KIAA0319: variants seen among roughly 807,000 people sequenced by gnomAD.
KIAA0319 encodes KIAA0319.
Under a neutral mutation model 108.4 loss-of-function variants are expected in KIAA0319, and 83 were observed. The ratio of observed to expected loss-of-function variants is 0.77; its 90% CI spans 0.64 to 0.92. The LOEUF is 0.92. Ranked by LOEUF, KIAA0319 falls within the 40% of genes least tolerant of loss-of-function variation. The probability of loss-of-function intolerance (pLI) is 0.00; values close to 1 mark genes in which losing one functional copy is unlikely to be tolerated. For missense variants in KIAA0319, 1,195 were observed against 1,322.4 expected (o/e 0.90, Z 1.49); for synonymous variants, 484 against 510.4 (o/e 0.95, Z 0.70).
intron 1 of KIAA0319, among the ~76,000 whole-genome samples, chr6:24,634,957 C>G (rs574212553): frequency 9.9e-5 from 15 of 152,270 alleles, no homozygotes; most frequent in Non-Finnish European, 1.6e-4. Context: ...TGTAAGGGAA[C>G]AGTCAATTAT....
At chr6:24,565,506 G>A (rs893240708) in intron 14 of KIAA0319, among the ~76,000 whole-genome samples, 2 of 152,012 alleles carry the variant, frequency 1.3e-5, no homozygotes, top group African/African-American at 4.8e-5. Flanking sequence ...TGTAATCCCA[G>A]TACTTTGGGA....
At position 24,554,535 on chromosome 6, in the gene KIAA0319, A is replaced by T; in HGVS notation, c.2948+6T>A. Reference sequence around the variant, plus strand: ...TCTATTTCCCAGGAATAAGCACTCTAGGTACCTTTTGCAGCAGCAGATGCA... The same window carrying T: ...TCTATTTCCCAGGAATAAGCACTCTTGGTACCTTTTGCAGCAGCAGATGCA... On this transcript the variant is annotated splice_donor_region_variant and intron_variant, in intron 19 of 20. Transcript: ENST00000378214. The T allele has an allele frequency of 6.2e-7, 1 of 1,601,004 alleles. No homozygotes were observed. Among genetic ancestry groups the T allele is most frequent in the Non-Finnish European group, 8.6e-7 (1 of 1,168,208 alleles).
rs1769576816 is a variant in KIAA0319 at position 24,596,299 on chromosome 6, G to A, written c.375C>T (p.Ser125=). ...DYGDMMLNRG[S]PSGIWGDSPE... Reference sequence around the variant, plus strand: ...GTGAGTCCCCCCAGATCCCCGAGGGGGAGCCCCTGTTCAGCATCATGTCCC... The same window carrying A: ...GTGAGTCCCCCCAGATCCCCGAGGGAGAGCCCCTGTTCAGCATCATGTCCC... Residue 125 remains serine, a synonymous_variant, in exon 3 of 21, where the codon TCC becomes TCT. Coordinates refer to ENST00000378214, the MANE Select transcript of KIAA0319 (RefSeq NM_014809.4). The A allele has an allele frequency of 6.2e-7, 1 of 1,614,038 alleles. No homozygotes were observed. Among genetic ancestry groups the A allele is most frequent in the African/African-American group, 1.3e-5 (1 of 74,926 alleles).
chr6:24,602,418 T>C (rs1770764684), intron 1 of KIAA0319, among the ~76,000 whole-genome samples: 1 of 152,234 alleles, frequency 6.6e-6, no homozygotes, highest in Non-Finnish European at 1.5e-5. Context: ...GTGGATGGCA[T>C]TGTTTATGCA....
intron 1 of KIAA0319, among the ~76,000 whole-genome samples, chr6:24,619,943 C>CTGAAATGACAATCACATGGATCCCAT (rs1773693643): frequency 6.6e-6 from 1 of 152,244 alleles, no homozygotes; most frequent in African/African-American, 2.4e-5. Context: ...TGCCGACCAT[C>CTGAAATGACAATCACATGGATCCCAT]TGAAATGACA....
Position 24,546,411 on chromosome 6 carries a change from C to T in KIAA0319, c.*754G>A, listed in dbSNP as rs373799569. On this transcript the variant is annotated 3_prime_UTR_variant, in exon 21 of 21. Coordinates refer to ENST00000378214, the MANE Select transcript of KIAA0319 (RefSeq NM_014809.4). The stretch of plus-strand genomic sequence containing the variant: ...AGAGAACTATACTGCTAAACAACAC[C>T]GAGAGGAGTCAGTGTAGTTTTTCTT... 6.2e-4 allele frequency: 94 copies of T among 152,004 alleles called. 1 individual carries two copies. The highest frequency in any genetic ancestry group is 2.1e-3 in the African/African-American group (89 of 41,458). The allele number at this position is 152,004 out of a possible 1,614,324, so 9.4% of individuals were successfully genotyped here.
intron 1 of KIAA0319, among the ~76,000 whole-genome samples, chr6:24,626,148 C>T (rs945613528): frequency 7.9e-5 from 12 of 152,124 alleles, no homozygotes; most frequent in Non-Finnish European, 1.6e-4. Flanking sequence ...TACGCAAATC[C>T]ATAGAGATAG....
At chr6:24,550,955 T>C (rs1561906946) in intron 20 of KIAA0319, among the ~76,000 whole-genome samples, 1 of 152,044 alleles carries the variant, frequency 6.6e-6, no homozygotes, top group East Asian at 1.9e-4. Context: ...CGCATTAGCA[T>C]ATCCTCAGGA....
intron 9 of KIAA0319, among the ~76,000 whole-genome samples, chr6:24,577,717 A>G (rs997084561): frequency 6.6e-6 from 1 of 152,186 alleles, no homozygotes; most frequent in Non-Finnish European, 1.5e-5. Context: ...TCCAACTTCT[A>G]CTTCTGGCTC....
chr6:24,576,584 T>C lies in KIAA0319; in HGVS notation c.1518A>G (p.Thr506=), dbSNP rs751167216. 1 of 1,613,778 alleles carries C rather than the reference T, an allele frequency of 6.2e-7. No homozygotes were observed. The highest frequency in any genetic ancestry group is 1.7e-5 in the Admixed American group (1 of 59,998). The change falls in exon 10 of 21, where the codon ACA becomes ACG. Residue 506 remains threonine, a synonymous_variant. Coordinates refer to ENST00000378214, the MANE Select transcript of KIAA0319 (RefSeq NM_014809.4). ...TAGAGTTAGTGGCTCCGTCCGAGTC[T>C]GTAACAGTCAACCTACAAAAAGGAG... ...PGNYSFRLTV[T]DSDGATNSTT... is the part of the protein sequence containing the mutation.
At chr6:24,565,752 C>CAAAAA (rs71542686) in intron 14 of KIAA0319, among the ~76,000 whole-genome samples, 9 of 62,678 alleles carry the variant, frequency 1.4e-4, no homozygotes, top group African/African-American at 4.1e-4. Flanking sequence ...GACTCCATCT[C>CAAAAA]AAAAAAAAAA....
At chr6:24,540,380 C>T (rs961258935), downstream of KIAA0319, among the ~76,000 whole-genome samples, 1 of 152,290 alleles carries the variant, frequency 6.6e-6, no homozygotes, top group East Asian at 1.9e-4. Context: ...CTTTTCAGCT[C>T]CATTATCTCA....
chr6:24,643,166 A>G (rs1777183373), intron 1 of KIAA0319, among the ~76,000 whole-genome samples: 1 of 152,136 alleles, frequency 6.6e-6, no homozygotes, highest in African/African-American at 2.4e-5. Flanking sequence ...AAACTTAAAC[A>G]CCTACTGTTA....
intron 13 of KIAA0319, among the ~76,000 whole-genome samples, chr6:24,568,061 A>T (rs1248639118): frequency 1.3e-5 from 2 of 152,236 alleles, no homozygotes; most frequent in Non-Finnish European, 2.9e-5. Context: ...CCCAGAGGAT[A>T]AAGTCCAAAC....
chr6:24,596,860 C>T (rs750494288), intron 2 of KIAA0319, among the ~76,000 whole-genome samples: 4 of 152,136 alleles, frequency 2.6e-5, no homozygotes, highest in Non-Finnish European at 4.4e-5. Context: ...TTCATCCACC[C>T]GTCTTTCCTC....
At position 24,588,781 on chromosome 6, in the gene KIAA0319, A is replaced by C; in HGVS notation, c.806T>G (p.Leu269Arg). Reference sequence around the variant, plus strand: ...CGGAGGAAGACTATGGGAAGGCATTAGAACCTACGAGATCAATTACAAGGA... The same window carrying C: ...CGGAGGAAGACTATGGGAAGGCATTCGAACCTACGAGATCAATTACAAGGA... ...QSSNSSGKEV[L>R]MPSHSLPPAS... is the part of the protein sequence containing the mutation. Residue 269 changes from leucine (L) to arginine (R), a missense_variant, in exon 4 of 21, where the codon CTA becomes CGA. Transcript: ENST00000378214. 1 of 1,612,292 alleles carries C rather than the reference A, an allele frequency of 6.2e-7. No individual in the cohort carries two copies. The highest frequency in any genetic ancestry group is 8.5e-7 in the Non-Finnish European group (1 of 1,178,872).
downstream of KIAA0319, among the ~76,000 whole-genome samples, chr6:24,540,509 G>C (rs1760162151): frequency 6.6e-6 from 1 of 152,110 alleles, no homozygotes; most frequent in South Asian, 2.1e-4. Context: ...CTGCAACTCT[G>C]GGTTCATCAT....
At chr6:24,629,007 A>G (rs1320114469) in intron 1 of KIAA0319, among the ~76,000 whole-genome samples, 1 of 152,196 alleles carries the variant, frequency 6.6e-6, no homozygotes, top group Non-Finnish European at 1.5e-5. Context: ...CACGCAACCC[A>G]TAACACCATT....
intron 1 of KIAA0319, among the ~76,000 whole-genome samples, chr6:24,609,564 G>A (rs947862053): frequency 6.6e-6 from 1 of 152,050 alleles, no homozygotes; most frequent in African/African-American, 2.4e-5. Flanking sequence ...CAACCAGAGC[G>A]AGATTCTGTC....
Sources: allele counts gnomAD v4.1 joint callset (sites outside exome capture counted in the v4.1 genomes callset), GRCh38; gene constraint gnomAD v4.1.1; transcripts MANE v1.5; gene names NCBI Gene and HGNC (gene_info 2026-07-23, HGNC 2026-07-21).